The following ANKRD36C variants were observed in gnomAD, a reference collection of about 807,000 sequenced individuals.
ANKRD36C encodes ankyrin repeat domain 36C.
In ANKRD36C, 61 loss-of-function variants were observed where a neutral mutation model predicts 276.4. The ratio of observed to expected loss-of-function variants is 0.22; its 90% CI spans 0.18 to 0.27. The LOEUF (loss-of-function observed/expected upper bound fraction) is 0.27. Ranked by LOEUF, ANKRD36C falls within the 10% of genes least tolerant of loss-of-function variation. The probability of loss-of-function intolerance (pLI) is 1.00; values close to 1 mark genes in which losing one functional copy is unlikely to be tolerated. For synonymous variants in ANKRD36C, 483 were observed against 680.1 expected, an observed-to-expected ratio of 0.71 and a Z score of 4.51; for missense variants, 1,447 against 2,032.3, an observed-to-expected ratio of 0.71 and a Z score of 5.54.
intron 3 of ANKRD36C, among the ~76,000 whole-genome samples, chr2:95,983,169 C>CA (rs1678955036): frequency 6.6e-6 from 1 of 151,190 alleles, no homozygotes; most frequent in Non-Finnish European, 1.5e-5. Context: ...GAGATTCTGA[C>CA]ACGATTGACA....
chr2:95,920,391 C>A lies in ANKRD36C; in HGVS notation c.2245+1216G>T, dbSNP rs1677231029. ...CTGAGAAGGCACACAGTTACCATGG[C>A]ACTTCAGTTGAATGTACACTTCACA... is the stretch of plus-strand genomic sequence containing the variant. On this transcript the variant is annotated intron_variant, in intron 34 of 66. Transcript: ENST00000456556. 1.5e-5 allele frequency among the ~76,000 whole-genome samples: 2 copies of A among 132,350 alleles called. 1 individual carries two copies. The highest frequency in any genetic ancestry group is 3.4e-5 in the Non-Finnish European group (2 of 59,640). The allele number at this position is 132,350 out of a possible 152,430, so 86.8% of individuals were successfully genotyped here.
intron 16 of ANKRD36C, among the ~76,000 whole-genome samples, chr2:95,949,316 G>A (rs1180022048): frequency 6.6e-6 from 1 of 152,014 alleles, no homozygotes; most frequent in Non-Finnish European, 1.5e-5. Context: ...ACAAAAACCA[G>A]CAAGCTTAAG....
exon 5 of ANKRD36C, chr2:95,980,708 A>T: frequency 6.2e-7 from 1 of 1,612,648 alleles, no homozygotes; most frequent in Non-Finnish European, 8.5e-7. Context: ...ATCTCGAGAA[A>T]ACACATCAAT....
chr2:95,890,677 A>T (rs1676322783), intron 46 of ANKRD36C, among the ~76,000 whole-genome samples: 1 of 151,556 alleles, frequency 6.6e-6, no homozygotes, highest in African/African-American at 2.4e-5. Context: ...TAGCCTCAAT[A>T]AAGATATCAT....
At chr2:95,948,476 T>C in intron 17 of ANKRD36C, 54 bp downstream of exon 17, 5 of 1,485,842 alleles carry the variant, frequency 3.4e-6, no homozygotes, top group Non-Finnish European at 4.5e-6. Context: ...AAGAAAATAA[T>C]ATAAAAAATG....
At chr2:95,910,344 C>G in intron 42 of ANKRD36C, 29 bp downstream of exon 46, 1 of 1,524,070 alleles carries the variant, frequency 6.6e-7, no homozygotes, top group Non-Finnish European at 8.8e-7. Flanking sequence ...CTGGACAGAA[C>G]ACGACATTAA....
intron 46 of ANKRD36C, among the ~76,000 whole-genome samples, chr2:95,890,369 T>C (rs572500227): frequency 6.6e-6 from 1 of 151,526 alleles, no homozygotes; most frequent in African/African-American, 2.4e-5. Context: ...ATGTGTTTCA[T>C]GTAAGAAATC....
In ANKRD36C at chr2:95,914,267, T is replaced by C; in HGVS notation, c.2478+8A>G. On this transcript the variant is annotated splice_region_variant and intron_variant, in intron 39 of 66. Transcript: ENST00000456556. ...ACTAGGTCACAATATAAATGACAGT[T>C]TCATTACCTTCAAGCCTGCTGGTTT... 6.4e-7 allele frequency: 1 copy of C among 1,551,692 alleles called. No individual in the cohort carries two copies. The highest frequency in any genetic ancestry group is 1.2e-5 in the South Asian group (1 of 84,352).
intron 28 of ANKRD36C, among the ~76,000 whole-genome samples, chr2:95,926,033 T>C (rs1156808129): frequency 6.6e-6 from 1 of 151,586 alleles, no homozygotes; most frequent in Non-Finnish European, 1.5e-5. Flanking sequence ...TTTAGTAGAA[T>C]GTACACTTCA....
chr2:95,981,825 T>C (rs1678928776), intron 4 of ANKRD36C, among the ~76,000 whole-genome samples: 1 of 151,926 alleles, frequency 6.6e-6, no homozygotes, highest in Non-Finnish European at 1.5e-5. Context: ...AGCTATCTTT[T>C]CTCCCCCTCC....
chr2:95,983,584 C>CATTTATTTATTT lies in ANKRD36C; in HGVS notation c.487-1234_487-1223dup, dbSNP rs201816275. Among the ~76,000 whole-genome samples the CATTTATTTATTT allele has an allele frequency of 3.0e-4, 44 of 148,758 alleles. 1 individual carries two copies. In the South Asian group the frequency reaches 3.4e-3, roughly 12 times the overall value. ...GTGAAAGCCACTAAATTATTTGCAT[C>CATTTATTTATTT]ATTTATTTATTTATTTATTTATTTA... is the stretch of plus-strand genomic sequence containing the variant. On this transcript the variant is annotated intron_variant, in intron 3 of 66. Coordinates refer to ENST00000456556, the Ensembl canonical transcript of ANKRD36C.
chr2:95,938,009 G>A (rs1199382941), intron 22 of ANKRD36C, among the ~76,000 whole-genome samples: 3 of 152,134 alleles, frequency 2.0e-5, no homozygotes, highest in Admixed American at 6.5e-5. Context: ...ACCAAACTGT[G>A]TCAACCTGGA....
chr2:95,986,690 G>A (rs1679033676), intron 3 of ANKRD36C, 61 bp downstream of exon 3: 2 of 1,424,552 alleles, frequency 1.4e-6, no homozygotes, highest in African/African-American at 2.9e-5. Flanking sequence ...ACCCTTACAT[G>A]TGTCAATGTT....
intron 14 of ANKRD36C, 142 bp downstream of exon 14, chr2:95,953,797 T>C: frequency 3.1e-6 from 2 of 654,398 alleles, no homozygotes; most frequent in Non-Finnish European, 4.6e-6. Flanking sequence ...CCCTCTCATT[T>C]CTTTAAAATG....
rs751478701 is a variant in ANKRD36C at position 95,856,090 on chromosome 2, T to C, written c.4171A>G (p.Ile1391Val). 3 of 1,604,196 alleles carry C rather than the reference T, an allele frequency of 1.9e-6. No individual in the cohort carries two copies. The African/African-American group carries it at 4.0e-5, about 22-fold the overall frequency. The change falls in exon 63 of 67, where the codon ATA becomes GTA. Residue 1391 changes from isoleucine (I) to valine (V), a missense_variant. This residue lies in a region of ANKRD36C where 437 missense variants were observed against 641.0 expected (regional missense o/e 0.68). Transcript: ENST00000456556. ...TTCTTTTCCAGGTTTTGGTTTTTTA[T>C]TGTGTCTTTTTCCAGCCTGAGCCTG...
At chr2:95,990,778 G>A (rs959758000) in intron 1 of ANKRD36C, among the ~76,000 whole-genome samples, 1 of 151,834 alleles carries the variant, frequency 6.6e-6, no homozygotes, top group Admixed American at 6.6e-5. Context: ...AATAAATATT[G>A]GATTTTTATC....
At chr2:95,888,498 G>T (rs1573741387) in intron 48 of ANKRD36C, among the ~76,000 whole-genome samples, 1 of 151,668 alleles carries the variant, frequency 6.6e-6, no homozygotes, top group East Asian at 1.9e-4. Flanking sequence ...TTCCATGCAA[G>T]AAATCAAAAG....
At position 95,921,660 on chromosome 2, in the gene ANKRD36C, T is replaced by C. The variant is rs1677273265; in HGVS notation, c.2192A>G (p.Asp731Gly). 5 of 1,608,436 alleles carry C rather than the reference T, an allele frequency of 3.1e-6. No individual in the cohort carries two copies. In the South Asian group the frequency reaches 4.4e-5, roughly 14 times the overall value. ...TTCTGTGGCTATATTCGAAACAGAA[T>C]CTTCCTCGTCAGTTGTAGCCTGAAT... The change falls in exon 34 of 67, where the codon GAT (aspartate) becomes GGT (glycine). Residue 731 changes from aspartate (D) to glycine (G), a missense_variant. This residue lies in a region of ANKRD36C where 565 missense variants were observed against 539.5 expected (regional missense o/e 1.05). Transcript: ENST00000456556.
intron 42 of ANKRD36C, among the ~76,000 whole-genome samples, chr2:95,907,879 T>G (rs947493667): frequency 1.3e-5 from 2 of 148,520 alleles, no homozygotes; most frequent in Non-Finnish European, 3.0e-5. Context: ...GTATTCCAAT[T>G]ATACCATTGT....
Sources: gnomAD v4.1 joint callset for allele counts (sites outside exome capture counted in the v4.1 genomes callset) on GRCh38, gnomAD v4.1.1 for gene constraint, gnomAD v4.1.1 regional missense constraint, MANE v1.5 for transcripts, NCBI Gene and HGNC (gene_info 2026-07-23, HGNC 2026-07-21) for gene names.